Variants in AHI1 observed in about 807,000 individuals in gnomAD.
The protein encoded by AHI1 is jouberin.
Under a neutral mutation model 149.3 loss-of-function variants are expected in AHI1, and 123 were observed. That is an observed-to-expected ratio of 0.82 (90% CI 0.71 to 0.96). AHI1 has a LOEUF of 0.96. Among genes scored for constraint, AHI1 ranks in the 40% least tolerant of loss-of-function variants. AHI1 has a pLI of 0.00. For missense variants in AHI1, 1,439 were observed against 1,422.7 expected (o/e 1.01, Z -0.18); for synonymous variants, 475 against 459.8 (o/e 1.03, Z -0.42).
At chr6:135,310,430 A>G (rs1018882354) in intron 26 of AHI1, among the ~76,000 whole-genome samples, 14 of 152,282 alleles carry the variant, frequency 9.2e-5, no homozygotes, top group African/African-American at 2.6e-4. Context: ...AAGAGGAACT[A>G]CCATGAAGTT....
rs1025111642 is a variant in AHI1 at position 135,404,992 on chromosome 6, A to G, written c.2962-15T>C. On this transcript the variant is annotated splice_polypyrimidine_tract_variant and intron_variant, in intron 21 of 28. Transcript: ENST00000265602. Reference sequence around the variant, plus strand: ...CGTATCACCTCCTAAAAGAAATACAATAAAATAAGGAAGTATTCATAATTT... The same window carrying G: ...CGTATCACCTCCTAAAAGAAATACAGTAAAATAAGGAAGTATTCATAATTT... The G allele has an allele frequency of 5.0e-6, 8 of 1,595,298 alleles. No individual in the cohort carries two copies. In the African/African-American group the frequency reaches 1.1e-4, roughly 21 times the overall value.
At chr6:135,428,781 C>T (rs370414132) in intron 18 of AHI1, 22 bp from the exon 19 acceptor site, 158 of 1,581,306 alleles carry the variant, frequency 1.0e-4, no homozygotes, top group Admixed American at 1.8e-4. Context: ...AAAGATTTTA[C>T]AAATGTAACT....
At chr6:135,408,211 G>A (rs532873706) in intron 21 of AHI1, among the ~76,000 whole-genome samples, 1 of 152,228 alleles carries the variant, frequency 6.6e-6, no homozygotes, top group South Asian at 2.1e-4. Context: ...TAGACTGTAG[G>A]AAACTTGTTT....
chr6:135,334,180 T>C (rs566101454), intron 24 of AHI1, among the ~76,000 whole-genome samples: 13 of 152,358 alleles, frequency 8.5e-5, no homozygotes, highest in African/African-American at 3.1e-4. Context: ...AAGCTCATTT[T>C]TATATGATGG....
At position 135,495,803 on chromosome 6, in the gene AHI1, T is replaced by A. The variant is rs1002803524; in HGVS notation, c.-55+11A>T. On this transcript the variant is annotated intron_variant, in intron 3 of 28. Coordinates refer to ENST00000265602, the MANE Select transcript of AHI1 (RefSeq NM_001134831.2). Reference sequence around the variant, plus strand: ...AAAGACTCAGGCTTGAGCTCTAGTGTCACCACTTACTGATGTGTGGCCTTG... The same window carrying A: ...AAAGACTCAGGCTTGAGCTCTAGTGACACCACTTACTGATGTGTGGCCTTG... 1 of 152,226 alleles carries A rather than the reference T, an allele frequency of 6.6e-6. No individual in the cohort carries two copies. The highest frequency in any genetic ancestry group is 2.4e-5 in the African/African-American group (1 of 41,460). The allele number at this position is 152,226 out of a possible 1,614,324, so 9.4% of individuals were successfully genotyped here.
At chr6:135,368,961 C>T (rs1157790127) in intron 23 of AHI1, among the ~76,000 whole-genome samples, 1 of 152,226 alleles carries the variant, frequency 6.6e-6, no homozygotes, top group Non-Finnish European at 1.5e-5. Context: ...GAAATTGTTA[C>T]AGACTTCAGC....
chr6:135,430,075 T>A, intron 17 of AHI1, 75 bp from the exon 18 acceptor site: 2 of 751,738 alleles, frequency 2.7e-6, no homozygotes, highest in African/African-American at 1.8e-5. Context: ...ACAAAATTAA[T>A]CTTAAAATAT....
At position 135,341,690 on chromosome 6, in the gene AHI1, T is replaced by A. The variant is rs368709758; in HGVS notation, c.3165+16442A>T. Among the ~76,000 whole-genome samples, 7 of 151,798 alleles carry A rather than the reference T, an allele frequency of 4.6e-5. No individual in the cohort carries two copies. The East Asian group carries it at 5.8e-4, about 13-fold the overall frequency. Reference sequence around the variant, plus strand: ...CATTCACAGAAAATTTCATAATGTATGGAACGTAAACAACATACTCCAAAT... The same window carrying A: ...CATTCACAGAAAATTTCATAATGTAAGGAACGTAAACAACATACTCCAAAT... On this transcript the variant is annotated intron_variant, in intron 24 of 28. Transcript: ENST00000265602.
At chr6:135,411,222 A>G in intron 21 of AHI1, 126 bp downstream of exon 21, 1 of 905,908 alleles carries the variant, frequency 1.1e-6, no homozygotes, top group Non-Finnish European at 1.6e-6. Flanking sequence ...GAAAGGAACC[A>G]TAAAAGTATA....
chr6:135,318,216 T>C (rs1786267860), intron 26 of AHI1, among the ~76,000 whole-genome samples: 1 of 152,190 alleles, frequency 6.6e-6, no homozygotes, highest in African/African-American at 2.4e-5. Flanking sequence ...AGTATCACAG[T>C]TAAAGAAATA....
At chr6:135,297,854 A>C (rs1047143784) in intron 27 of AHI1, among the ~76,000 whole-genome samples, 1 of 152,230 alleles carries the variant, frequency 6.6e-6, no homozygotes. Context: ...GATGGAAAAA[A>C]ATATACAGTG....
chr6:135,359,748 T>C (rs920990936), intron 23 of AHI1, among the ~76,000 whole-genome samples: 1 of 152,210 alleles, frequency 6.6e-6, no homozygotes, highest in Admixed American at 6.5e-5. Flanking sequence ...AATCTGACTG[T>C]TATAAAATTG....
At chr6:135,430,770 G>C (rs1361074108) in intron 17 of AHI1, among the ~76,000 whole-genome samples, 1 of 151,832 alleles carries the variant, frequency 6.6e-6, no homozygotes, top group Non-Finnish European at 1.5e-5. Flanking sequence ...GTGATTAAAT[G>C]ACAGATCTTC....
intron 26 of AHI1, among the ~76,000 whole-genome samples, chr6:135,313,803 AC>A (rs1785537265): frequency 6.6e-6 from 1 of 152,184 alleles, no homozygotes; most frequent in Admixed American, 6.5e-5. Context: ...CAGGTAAGAC[AC>A]TGACAGAGTT....
In AHI1 at chr6:135,465,962, C is replaced by A; in HGVS notation, c.601G>T (p.Ala201Ser). The part of the protein sequence containing the change: ...AYQCHVTEEM[A>S]KEIKRKIRKK... ...CTTATTTTCCTCTTAATCTCCTTTGCCATTTCTTCAGTTACATGGCACTGA... is the reference window on the plus strand; with the variant it reads ...CTTATTTTCCTCTTAATCTCCTTTGACATTTCTTCAGTTACATGGCACTGA... The change falls in exon 7 of 29, where the codon GCA (alanine) becomes TCA (serine). Residue 201 changes from alanine to serine, a missense_variant. Transcript: ENST00000265602. 1 of 1,612,836 alleles carries A rather than the reference C, an allele frequency of 6.2e-7. No individual in the cohort carries two copies. Among genetic ancestry groups the A allele is most frequent in the Non-Finnish European group, 8.5e-7 (1 of 1,179,668 alleles).
intron 23 of AHI1, among the ~76,000 whole-genome samples, chr6:135,380,409 C>T (rs1393114028): frequency 6.6e-6 from 1 of 152,050 alleles, no homozygotes; most frequent in African/African-American, 2.4e-5. Context: ...GGAGGATGTA[C>T]ACAGGCAATA....
At chr6:135,342,410 T>C (rs990105270) in intron 24 of AHI1, among the ~76,000 whole-genome samples, 1 of 151,946 alleles carries the variant, frequency 6.6e-6, no homozygotes, top group Non-Finnish European at 1.5e-5. Flanking sequence ...ATTCATTCCA[T>C]GGGATCGGTA....
intron 24 of AHI1, 87 bp downstream of exon 24, chr6:135,358,045 A>G (rs1232136645): frequency 3.3e-6 from 4 of 1,218,634 alleles, no homozygotes; most frequent in Non-Finnish European, 4.7e-6. Flanking sequence ...AGGTTTTAAG[A>G]GTTTTCTACA....
intron 5 of AHI1, among the ~76,000 whole-genome samples, chr6:135,469,192 A>C (rs773680705): frequency 2.6e-5 from 4 of 152,212 alleles, no homozygotes; most frequent in Non-Finnish European, 2.9e-5. Flanking sequence ...ACGGGATGCA[A>C]GGCTGGTTCA....
Sources: gnomAD v4.1 joint callset for allele counts (sites outside exome capture counted in the v4.1 genomes callset) on GRCh38, gnomAD v4.1.1 for gene constraint, MANE v1.5 for transcripts, NCBI Gene and HGNC (gene_info 2026-07-23, HGNC 2026-07-21) for gene names.